Variants in MCUB observed in about 807,000 individuals in gnomAD.
MCUB encodes the protein calcium uniporter regulatory subunit MCUb, mitochondrial.
MCUB carries 46 observed loss-of-function variants against 41.4 expected under a neutral mutation model. That is an observed-to-expected ratio of 1.11 (90% confidence interval 0.88 to 1.42). MCUB has a LOEUF of 1.42. Among genes scored for constraint, MCUB ranks in the 40% most tolerant of loss-of-function variants. The pLI, the probability that MCUB is intolerant of heterozygous loss-of-function variation, is 0.00. For missense variants in MCUB, 403 were observed against 404.9 expected, an observed-to-expected ratio of 1.00 and a Z score of 0.04; for synonymous variants, 148 against 148.2, an observed-to-expected ratio of 1.00 and a Z score of 0.01.
intron 4 of MCUB, among the ~76,000 whole-genome samples, chr4:109,679,312 G>A (rs1413128839): frequency 6.6e-6 from 1 of 152,218 alleles, no homozygotes; most frequent in East Asian, 1.9e-4. Flanking sequence ...GGAGGTGGAG[G>A]TTGTAGTGAG....
intron 1 of MCUB, among the ~76,000 whole-genome samples, chr4:109,589,842 C>T (rs577965673): frequency 1.1e-4 from 17 of 152,294 alleles, no homozygotes; most frequent in South Asian, 2.1e-4. Flanking sequence ...GACTTTTGTC[C>T]GTCTGCCTGA....
chr4:109,673,424 T>A (rs1284924775), intron 4 of MCUB, among the ~76,000 whole-genome samples: 1 of 152,182 alleles, frequency 6.6e-6, no homozygotes, highest in East Asian at 1.9e-4. Flanking sequence ...TGTGTTGGGA[T>A]TGAACTCCTA....
rs118145229 is a variant in MCUB at position 109,622,945 on chromosome 4, G to A, written c.100-36066G>A. 7.4e-3 allele frequency among the ~76,000 whole-genome samples: 1,127 copies of A among 152,260 alleles called. 25 individuals carry two copies. The highest frequency in any genetic ancestry group is 0.065 in the East Asian group (335 of 5,178). On this transcript the variant is annotated intron_variant, in intron 1 of 7. Coordinates refer to ENST00000394650, the MANE Select transcript of MCUB (RefSeq NM_017918.5). ...CTCTGCTGTGTATTGTGTGACTGGC[G>A]TTTCTTGGACATTGTGTTTCGCGCT...
intron 1 of MCUB, among the ~76,000 whole-genome samples, chr4:109,561,744 A>G (rs1031202727): frequency 2.0e-5 from 3 of 152,098 alleles, no homozygotes; most frequent in African/African-American, 7.2e-5. Context: ...AACACAGATT[A>G]TTGTTTTTTG....
intron 1 of MCUB, among the ~76,000 whole-genome samples, chr4:109,583,028 A>T (rs1579049620): frequency 6.6e-6 from 1 of 152,030 alleles, no homozygotes; most frequent in Admixed American, 6.6e-5. Context: ...TTTGCTTAGG[A>T]TTGTCTTGGC....
intron 1 of MCUB, among the ~76,000 whole-genome samples, chr4:109,575,336 A>G (rs1001384564): frequency 6.6e-6 from 1 of 152,208 alleles, no homozygotes; most frequent in African/African-American, 2.4e-5. Context: ...CTTTTTATTG[A>G]TATGATATTA....
intron 1 of MCUB, among the ~76,000 whole-genome samples, chr4:109,604,137 G>A (rs375125619): frequency 0.012 from 1,885 of 151,840 alleles, 32 homozygotes; most frequent in African/African-American, 0.038. Flanking sequence ...GGGTTAAATG[G>A]ATTAAGGGCG....
chr4:109,658,390 C>T (rs180939085), intron 1 of MCUB, among the ~76,000 whole-genome samples: 1 of 152,052 alleles, frequency 6.6e-6, no homozygotes, highest in African/African-American at 2.4e-5. Flanking sequence ...CTCCACCTCC[C>T]GGGTTCAAGT....
At chr4:109,591,185 CT>C (rs111954864) in intron 1 of MCUB, among the ~76,000 whole-genome samples, 5,296 of 141,120 alleles carry the variant, frequency 0.038, 279 homozygotes, top group African/African-American at 0.12. Context: ...TGTTAAAATT[CT>C]TTTTTTTTTT....
At chr4:109,561,245 T>G (rs180976048) in intron 1 of MCUB, among the ~76,000 whole-genome samples, 84 of 152,322 alleles carry the variant, frequency 5.5e-4, no homozygotes, top group African/African-American at 1.9e-3. Flanking sequence ...GGGAGCTGTT[T>G]CTGAGTTTTC....
chr4:109,563,037 G>A (rs1358973050), intron 1 of MCUB, among the ~76,000 whole-genome samples: 1 of 152,222 alleles, frequency 6.6e-6, no homozygotes, highest in African/African-American at 2.4e-5. Flanking sequence ...ATCTCTGCTT[G>A]TCAGCACTCT....
chr4:109,581,035 A>C (rs1440519250), intron 1 of MCUB, among the ~76,000 whole-genome samples: 6 of 152,216 alleles, frequency 3.9e-5, no homozygotes, highest in African/African-American at 1.4e-4. Context: ...AGTACTTTAA[A>C]GTTCATATGG....
intron 4 of MCUB, among the ~76,000 whole-genome samples, chr4:109,671,384 CA>C (rs1729455352): frequency 6.6e-6 from 1 of 152,122 alleles, no homozygotes; most frequent in African/African-American, 2.4e-5. Flanking sequence ...AATTGTCCCA[CA>C]GTTCTTAGAT....
At chr4:109,653,319 C>T (rs542147712) in intron 1 of MCUB, among the ~76,000 whole-genome samples, 56 of 150,754 alleles carry the variant, frequency 3.7e-4, no homozygotes, top group African/African-American at 1.2e-3. Flanking sequence ...GTGGAGGTTG[C>T]AGTGAGCCGA....
At chr4:109,669,043 AC>A (rs1729401978) in intron 4 of MCUB, among the ~76,000 whole-genome samples, 1 of 152,014 alleles carries the variant, frequency 6.6e-6, no homozygotes, top group Non-Finnish European at 1.5e-5. Context: ...ATTCTTTTGA[AC>A]CGACTGTTAT....
rs960923123 is a variant in MCUB at position 109,590,581 on chromosome 4, C to T, written c.99+30145C>T. ...TTGTATAAATTGCTATGAAAAACAG[C>T]GGACTTCCATGCACTCCTTAAAAGC... On this transcript the variant is annotated intron_variant, in intron 1 of 7. Coordinates refer to ENST00000394650, the MANE Select transcript of MCUB (RefSeq NM_017918.5). 9.2e-5 allele frequency among the ~76,000 whole-genome samples: 14 copies of T among 152,272 alleles called. No homozygotes were observed. In the East Asian group the frequency reaches 2.1e-3, roughly 23 times the overall value.
intron 1 of MCUB, among the ~76,000 whole-genome samples, chr4:109,572,371 G>A (rs1023356481): frequency 2.0e-5 from 3 of 152,182 alleles, no homozygotes; most frequent in South Asian, 2.1e-4. Flanking sequence ...GTTTTAGGGA[G>A]GACTTACTTT....
At chr4:109,635,474 G>T (rs111995963) in intron 1 of MCUB, among the ~76,000 whole-genome samples, 1,710 of 152,120 alleles carry the variant, frequency 0.011, 16 homozygotes, top group Middle Eastern at 0.034. Context: ...AAAACATCAT[G>T]GTGCCCTTCC....
At chr4:109,654,637 A>G (rs190978453) in intron 1 of MCUB, among the ~76,000 whole-genome samples, 296 of 152,190 alleles carry the variant, frequency 1.9e-3, no homozygotes, top group African/African-American at 7.0e-3. Context: ...AAAATCATAG[A>G]TCAAGTTCTG....
Sources: allele counts gnomAD v4.1 joint callset (sites outside exome capture counted in the v4.1 genomes callset), GRCh38; gene constraint gnomAD v4.1.1; transcripts MANE v1.5; gene names NCBI Gene and HGNC (gene_info 2026-07-23, HGNC 2026-07-21).